The following ERBB4 variants were observed in gnomAD, a reference collection of about 807,000 sequenced individuals.
ERBB4 encodes erb-b2 receptor tyrosine kinase 4.
Under a neutral mutation model 158.0 loss-of-function variants are expected in ERBB4, and 42 were observed. That is an observed-to-expected ratio of 0.27 (90% CI 0.21 to 0.34). ERBB4 has a LOEUF of 0.34. Ranked by LOEUF, ERBB4 falls within the 10% of genes least tolerant of loss-of-function variation. The probability of loss-of-function intolerance (pLI) is 1.00; values close to 1 mark genes in which losing one functional copy is unlikely to be tolerated. For synonymous variants in ERBB4, 583 were observed against 558.7 expected (o/e 1.04, Z -0.61); for missense variants, 1,333 against 1,624.1 (o/e 0.82, Z 3.08).
chr2:212,453,745 T>C (rs1029162602), intron 1 of ERBB4, among the ~76,000 whole-genome samples: 1 of 152,156 alleles, frequency 6.6e-6, no homozygotes, highest in Non-Finnish European at 1.5e-5. Context: ...TACACATTGC[T>C]AAAAGAAATC....
chr2:212,017,099 G>A (rs2076545724), intron 2 of ERBB4, among the ~76,000 whole-genome samples: 1 of 152,096 alleles, frequency 6.6e-6, no homozygotes, highest in Middle Eastern at 3.2e-3. Flanking sequence ...TATAACAACA[G>A]TCTTTCAATA....
At chr2:212,152,773 A>T (rs1246329535) in intron 1 of ERBB4, among the ~76,000 whole-genome samples, 1 of 152,184 alleles carries the variant, frequency 6.6e-6, no homozygotes, top group Non-Finnish European at 1.5e-5. Flanking sequence ...TTTTCCCAGA[A>T]GGAGCTTCTC....
At chr2:212,433,086 G>A (rs1394791) in intron 1 of ERBB4, among the ~76,000 whole-genome samples, 7 of 151,986 alleles carry the variant, frequency 4.6e-5, no homozygotes, top group South Asian at 2.1e-4. Context: ...ATACAAATCC[G>A]ATACTACAGT....
Position 211,675,792 on chromosome 2 carries a change from T to TTATATATATATATATATATA in ERBB4, c.1623-2536_1623-2535insTATATATATATATATATATA, listed in dbSNP as rs34492305. Among the ~76,000 whole-genome samples, 119 of 93,538 alleles carry TTATATATATATATATATATA rather than the reference T, an allele frequency of 1.3e-3. 3 individuals are homozygous for TTATATATATATATATATATA. The highest frequency in any genetic ancestry group is 2.3e-3 in the Non-Finnish European group (83 of 35,704). The allele number at this position is 93,538 out of a possible 152,430, so 61.4% of individuals were successfully genotyped here. The stretch of plus-strand genomic sequence containing the variant: ...TATAATATATATATAAAATATAATA[T>TTATATATATATATATATATA]TATATATATATATATATAACAAATA... On this transcript the variant is annotated intron_variant, in intron 13 of 27. Transcript: ENST00000342788.
At chr2:212,133,417 GT>G (rs1234790979) in intron 1 of ERBB4, among the ~76,000 whole-genome samples, 21 of 135,510 alleles carry the variant, frequency 1.5e-4, no homozygotes, top group Non-Finnish European at 2.5e-4. Context: ...GTTTTGTTTT[GT>G]TTTTGTTTTT....
chr2:211,668,011 G>T (rs1170210076), intron 14 of ERBB4, among the ~76,000 whole-genome samples: 3 of 152,120 alleles, frequency 2.0e-5, no homozygotes, highest in Non-Finnish European at 4.4e-5. Flanking sequence ...ACACAAACCT[G>T]TATGGTGTAG....
At chr2:211,639,134 C>T (rs1387981292) in intron 16 of ERBB4, among the ~76,000 whole-genome samples, 1 of 152,022 alleles carries the variant, frequency 6.6e-6, no homozygotes, top group Admixed American at 6.6e-5. Context: ...ACCTATTATA[C>T]AATATCATAT....
chr2:212,138,872 C>T (rs934092402), intron 1 of ERBB4, among the ~76,000 whole-genome samples: 1 of 152,036 alleles, frequency 6.6e-6, no homozygotes, highest in African/African-American at 2.4e-5. Context: ...TTGAACATGT[C>T]ATGGGTATTG....
chr2:211,480,867 T>C (rs1028011180), intron 20 of ERBB4, among the ~76,000 whole-genome samples: 1 of 152,196 alleles, frequency 6.6e-6, no homozygotes, highest in Non-Finnish European at 1.5e-5. Flanking sequence ...CCTGAAAAGA[T>C]TAATAGGACC....
chr2:212,284,104 G>C (rs1184709424), intron 1 of ERBB4, among the ~76,000 whole-genome samples: 4 of 151,998 alleles, frequency 2.6e-5, no homozygotes, highest in Non-Finnish European at 5.9e-5. Context: ...GAAGCACTTA[G>C]ACACACAATA....
chr2:211,468,309 T>G (rs1296986351), intron 20 of ERBB4, among the ~76,000 whole-genome samples: 1 of 152,118 alleles, frequency 6.6e-6, no homozygotes, highest in Non-Finnish European at 1.5e-5. Flanking sequence ...AATACAACAC[T>G]GCCACTGAAT....
chr2:211,772,918 CACACACATATAT>C (rs1283053609), intron 4 of ERBB4, among the ~76,000 whole-genome samples: 21 of 46,794 alleles, frequency 4.5e-4, no homozygotes, highest in South Asian at 1.3e-3. Context: ...TACACACACA[CACACACATATAT>C]ATATATATAT....
intron 1 of ERBB4, among the ~76,000 whole-genome samples, chr2:212,521,601 TATAATTAAC>T (rs1168455260): frequency 6.6e-6 from 1 of 151,930 alleles, no homozygotes; most frequent in Non-Finnish European, 1.5e-5. Flanking sequence ...GCATACAAAA[TATAATTAAC>T]ATTTATTGGG....
intron 3 of ERBB4, among the ~76,000 whole-genome samples, chr2:211,830,540 G>T (rs529748121): frequency 3.3e-4 from 50 of 151,744 alleles, no homozygotes; most frequent in African/African-American, 5.1e-4. Context: ...ATTTCCTACT[G>T]TTAACAATAT....
chr2:212,404,009 C>T (rs900009328), intron 1 of ERBB4, among the ~76,000 whole-genome samples: 3 of 151,902 alleles, frequency 2.0e-5, no homozygotes, highest in Admixed American at 6.6e-5. Context: ...GTAGACTGAA[C>T]GTTTCAGATG....
chr2:212,424,994 C>A (rs1405234725), intron 1 of ERBB4, among the ~76,000 whole-genome samples: 5 of 151,888 alleles, frequency 3.3e-5, no homozygotes, highest in East Asian at 1.9e-4. Context: ...ATCCATGTAT[C>A]CGTGAAGAAA....
chr2:211,904,234 A>G lies in ERBB4; in HGVS notation c.421+43196T>C, dbSNP rs569712022. 3.3e-5 allele frequency among the ~76,000 whole-genome samples: 5 copies of G among 152,258 alleles called. No homozygotes were observed. The South Asian group carries it at 6.2e-4, about 19-fold the overall frequency. ...TCACACATAAACATGCACACAGAGC[A>G]TAATATAAACCAGCTCTCTTAAAAT... On this transcript the variant is annotated intron_variant, in intron 3 of 27. Coordinates refer to ENST00000342788, the MANE Select transcript of ERBB4 (RefSeq NM_005235.3).
At chr2:212,308,174 G>C (rs1225825413) in intron 1 of ERBB4, among the ~76,000 whole-genome samples, 1 of 151,052 alleles carries the variant, frequency 6.6e-6, no homozygotes, top group African/African-American at 2.4e-5. Context: ...AAGAAACATA[G>C]GCACACCGTC....
At chr2:211,801,277 G>T (rs560572841) in intron 3 of ERBB4, among the ~76,000 whole-genome samples, 1 of 152,272 alleles carries the variant, frequency 6.6e-6, no homozygotes, top group African/African-American at 2.4e-5. Flanking sequence ...AAAACAGGTG[G>T]TTAAATGTAG....
Sources: gnomAD v4.1 joint callset for allele counts (sites outside exome capture counted in the v4.1 genomes callset) on GRCh38, gnomAD v4.1.1 for gene constraint, MANE v1.5 for transcripts, NCBI Gene and HGNC (gene_info 2026-07-23, HGNC 2026-07-21) for gene names.